The following COL18A1 variants were observed in gnomAD, a reference collection of about 807,000 sequenced individuals.
COL18A1 encodes collagen type XVIII alpha 1 chain.
A neutral mutation model predicts 168.0 loss-of-function variants in COL18A1; 133 were observed. The observed-to-expected ratio is 0.79, with a 90% CI of 0.69 to 0.91. The LOEUF (loss-of-function observed/expected upper bound fraction) is 0.91. Ranked by LOEUF, COL18A1 falls within the 40% of genes least tolerant of loss-of-function variation. The pLI, the probability that COL18A1 is intolerant of heterozygous loss-of-function variation, is 0.00. For missense variants in COL18A1, 2,126 were observed against 1,925.4 expected (o/e 1.10, Z -1.95); for synonymous variants, 949 against 809.0 (o/e 1.17, Z -2.94).
At position 45,494,905 on chromosome 21, in the gene COL18A1, C is replaced by A; in HGVS notation, c.2423C>A (p.Pro808His). The change falls in exon 28 of 42, where the codon CCT becomes CAT. Residue 808 changes from proline (P) to histidine (H), a missense_variant. Physicochemically the swap from Pro to His is moderately conservative, Grantham distance 77. Coordinates refer to ENST00000651438, the MANE Select transcript of COL18A1 (RefSeq NM_001379500.1). ...RPGYKGEIGFPGRPGRPGMNG... is the reference protein window; with the variant it reads ...RPGYKGEIGFHGRPGRPGMNG... ...GGGTACAAGGGAGAGATTGGCTTTCCTGGACGGCCGGTGAGGACCTGGGGT... is the reference window on the plus strand; with the variant it reads ...GGGTACAAGGGAGAGATTGGCTTTCATGGACGGCCGGTGAGGACCTGGGGT... 1 of 1,610,740 alleles carries A rather than the reference C, an allele frequency of 6.2e-7. No homozygotes were observed. The highest frequency in any genetic ancestry group is 1.3e-5 in the African/African-American group (1 of 75,004).
At chr21:45,437,624 G>GTACA (rs2034192752) in intron 2 of COL18A1, among the ~76,000 whole-genome samples, 3 of 31,610 alleles carry the variant, frequency 9.5e-5, no homozygotes, top group Non-Finnish European at 1.5e-4. Context: ...GCACTCTCCT[G>GTACA]CACACACACT....
intron 29 of COL18A1, chr21:45,495,686 A>G: frequency 2.0e-6 from 1 of 492,716 alleles, no homozygotes; most frequent in Non-Finnish European, 3.8e-6. Context: ...GCATCTATGC[A>G]CATACATGCC....
At chr21:45,409,235 CA>C (rs1306777132) in intron 2 of COL18A1, among the ~76,000 whole-genome samples, 1 of 152,206 alleles carries the variant, frequency 6.6e-6, no homozygotes, top group Non-Finnish European at 1.5e-5. Context: ...AGCGAGATTT[CA>C]GCGGCTGGCC....
At chr21:45,474,086 G>A (rs1019868266) in intron 4 of COL18A1, 105 bp downstream of exon 4, 7 of 857,216 alleles carry the variant, frequency 8.2e-6, no homozygotes, top group Non-Finnish European at 1.3e-5. Context: ...TACCACTTGG[G>A]GCACTGGGAA....
chr21:45,467,993 C>T (rs1456388421), intron 2 of COL18A1, among the ~76,000 whole-genome samples: 1 of 152,206 alleles, frequency 6.6e-6, no homozygotes, highest in Non-Finnish European at 1.5e-5. Context: ...CACCATGTCT[C>T]CTGCAGACAC....
intron 2 of COL18A1, among the ~76,000 whole-genome samples, chr21:45,453,422 T>C (rs2034698475): frequency 6.6e-6 from 1 of 152,182 alleles, no homozygotes; most frequent in Admixed American, 6.5e-5. Flanking sequence ...TGTGAGCATG[T>C]GCGTACACAT....
chr21:45,453,473 G>A (rs1013224175), intron 2 of COL18A1, among the ~76,000 whole-genome samples: 2 of 152,220 alleles, frequency 1.3e-5, no homozygotes, highest in Admixed American at 1.3e-4. Flanking sequence ...TTATGTAGTA[G>A]CCACCCTTGC....
At chr21:45,485,149 A>ATTTTTTTTTTTTTTTTTTT (rs751718038) in intron 15 of COL18A1, among the ~76,000 whole-genome samples, 2 of 55,052 alleles carry the variant, frequency 3.6e-5, no homozygotes, top group Non-Finnish European at 6.6e-5. Context: ...CACCTGGCTA[A>ATTTTTTTTTTTTTTTTTTT]TTTTTTTTTT....
chr21:45,500,475 T>A (rs1157589147), intron 32 of COL18A1, among the ~76,000 whole-genome samples: 1 of 72,830 alleles, frequency 1.4e-5, no homozygotes, highest in Non-Finnish European at 2.6e-5. Flanking sequence ...TGTGGGGGTG[T>A]GGTTTGGTGT....
chr21:45,480,767 G>T lies in COL18A1; in HGVS notation c.1520G>T (p.Arg507Leu), dbSNP rs775248850. 5 of 1,611,204 alleles carry T rather than the reference G, an allele frequency of 3.1e-6. No homozygotes were observed. In the South Asian group the frequency reaches 5.5e-5, roughly 18 times the overall value. ...GVPGLPGEPG[R>L]FGVNSSDVPG... is the part of the protein sequence containing the mutation. ...CCAGGCCTGCCCGGCGAGCCAGGCC[G>T]CTTTGGGGTGAACAGCTCCGACGTC... Residue 507 changes from arginine to leucine, a missense_variant, in exon 13 of 42, where the codon CGC becomes CTC. Arg to Leu is a moderately radical substitution (Grantham distance 102). Coordinates refer to ENST00000651438, the MANE Select transcript of COL18A1 (RefSeq NM_001379500.1).
chr21:45,407,125 C>T (rs1469952820), intron 2 of COL18A1, among the ~76,000 whole-genome samples: 2 of 152,216 alleles, frequency 1.3e-5, no homozygotes, highest in Non-Finnish European at 2.9e-5. Context: ...CCAGGCCACC[C>T]GCAGCCCGGG....
chr21:45,442,949 CGGTGCTGATGTGGGTGGT>C (rs1396984781), intron 2 of COL18A1, among the ~76,000 whole-genome samples: 1 of 108,980 alleles, frequency 9.2e-6, no homozygotes, highest in Non-Finnish European at 1.8e-5. Context: ...GTGTGGGCAG[CGGTGCTGATGTGGGTGGT>C]GGTGCTGGTG....
rs375201047 is a variant in COL18A1, at chr21:45,422,078, ACAC to A, written c.106+16606_106+16608del. Among the ~76,000 whole-genome samples, 906 of 152,180 alleles carry A rather than the reference ACAC, an allele frequency of 6.0e-3. 10 individuals are homozygous for A. Among genetic ancestry groups the A allele is most frequent in the African/African-American group, 0.02 (850 of 41,526 alleles). ...CTCACGCACACACAGGTTCACATAT[ACAC>A]AGCTCACACAAGCTCTCACACACAC... is the stretch of plus-strand genomic sequence containing the variant. On this transcript the variant is annotated intron_variant, in intron 2 of 41. Transcript: ENST00000651438.
At chr21:45,466,394 G>A (rs1049009435) in intron 2 of COL18A1, among the ~76,000 whole-genome samples, 4 of 152,206 alleles carry the variant, frequency 2.6e-5, no homozygotes, top group African/African-American at 9.7e-5. Context: ...AAAGAAGCAA[G>A]CACCTTGATC....
At chr21:45,459,692 C>T (rs1030519366) in intron 2 of COL18A1, among the ~76,000 whole-genome samples, 6 of 152,170 alleles carry the variant, frequency 3.9e-5, no homozygotes, top group African/African-American at 1.4e-4. Flanking sequence ...CTCAGGTCCA[C>T]GAGGAAGGGA....
At chr21:45,476,129 G>T (rs1331639151) in intron 5 of COL18A1, among the ~76,000 whole-genome samples, 1 of 150,486 alleles carries the variant, frequency 6.6e-6, no homozygotes, top group Non-Finnish European at 1.5e-5. Context: ...GTGACGGCAG[G>T]CGCGGTCCTG....
At chr21:45,428,384 G>A (rs2033866758) in intron 2 of COL18A1, among the ~76,000 whole-genome samples, 1 of 152,216 alleles carries the variant, frequency 6.6e-6, no homozygotes, top group Admixed American at 6.5e-5. Context: ...GACTTCAGTA[G>A]CAGCCAGGAC....
chr21:45,410,828 G>T (rs2033267918), intron 2 of COL18A1, among the ~76,000 whole-genome samples: 1 of 152,224 alleles, frequency 6.6e-6, no homozygotes, highest in Non-Finnish European at 1.5e-5. Context: ...TCCTGGGCCG[G>T]CAGCCCATCT....
rs2035861522 is a variant in COL18A1, at chr21:45,480,702, T to G, written c.1455T>G (p.Gly485=). The G allele has an allele frequency of 1.9e-6, 3 of 1,610,720 alleles. No homozygotes were observed. The highest frequency in any genetic ancestry group is 1.6e-4 in the Middle Eastern group (1 of 6,062). ...TATCTGTGTTCGCCCACGTCCAGGG[T>G]CCTCGAGGCTTCCCTGGACCTCCCG... ...GFGGDLEALR[G]PRGFPGPPGP... is the part of the protein sequence containing the mutation. The change falls in exon 13 of 42, where the codon GGT becomes GGG. Residue 485 remains glycine (G), a splice_region_variant and synonymous_variant. Transcript: ENST00000651438.
Sources: allele counts gnomAD v4.1 joint callset (sites outside exome capture counted in the v4.1 genomes callset), GRCh38; gene constraint gnomAD v4.1.1; transcripts MANE v1.5; gene names NCBI Gene and HGNC (gene_info 2026-07-23, HGNC 2026-07-21).